CD200R1: variants seen among roughly 807,000 people sequenced by gnomAD.
CD200R1 encodes cell surface glycoprotein CD200 receptor 1.
In CD200R1, 30 loss-of-function variants were observed where a neutral mutation model predicts 38.1. The observed-to-expected ratio is 0.79, with a 90% CI of 0.59 to 1.07. The LOEUF is 1.07. Ranked by LOEUF, CD200R1 falls within the 50% of genes least tolerant of loss-of-function variation. The pLI, the probability that CD200R1 is intolerant of heterozygous loss-of-function variation, is 0.00. For missense variants in CD200R1, 372 were observed against 415.4 expected (o/e 0.90, Z 0.91); for synonymous variants, 128 against 152.1 (o/e 0.84, Z 1.16).
chr3:112,948,493 T>C (rs180743885), intron 1 of CD200R1, among the ~76,000 whole-genome samples: 2 of 152,312 alleles, frequency 1.3e-5, no homozygotes, highest in Admixed American at 1.3e-4. Context: ...CAGGCATTAG[T>C]TCAATTCTCA....
intron 2 of CD200R1, among the ~76,000 whole-genome samples, chr3:112,934,959 T>G (rs1604249): frequency 0.021 from 3,261 of 151,992 alleles, 40 homozygotes; most frequent in South Asian, 0.047. Flanking sequence ...TATACTTACA[T>G]TAGATAAAAC....
chr3:112,936,072 T>C (rs541357024), intron 2 of CD200R1, among the ~76,000 whole-genome samples: 2 of 152,312 alleles, frequency 1.3e-5, no homozygotes, highest in Admixed American at 1.3e-4. Context: ...GTTTCTGCAT[T>C]AGTTTGCTGA....
chr3:112,962,696 C>T (rs1217108337), intron 1 of CD200R1, among the ~76,000 whole-genome samples: 1 of 152,102 alleles, frequency 6.6e-6, no homozygotes, highest in Non-Finnish European at 1.5e-5. Context: ...AAAAAAATTA[C>T]ATGTATCAGC....
rs752601329 is a variant in CD200R1, at chr3:112,966,967, GC to G, written c.67+7823del. Among the ~76,000 whole-genome samples, 4 of 152,194 alleles carry G rather than the reference GC, an allele frequency of 2.6e-5. No individual in the cohort carries two copies. The East Asian group carries it at 7.7e-4, about 29-fold the overall frequency. ...AGGTCACCAGCCCTTTTATAGTCAA[GC>G]TTTTGGCCTCTTTTCAGTGCTGGTG... On this transcript the variant is annotated intron_variant, in intron 1 of 7. Coordinates refer to ENST00000308611, the MANE Select transcript of CD200R1 (RefSeq NM_138806.4).
intron 2 of CD200R1, 29 bp downstream of exon 2, chr3:112,947,827 T>C: frequency 6.7e-7 from 1 of 1,495,502 alleles, no homozygotes; most frequent in East Asian, 2.3e-5. Context: ...ACTCCCCTAC[T>C]AGAATTATTG....
chr3:112,922,582 C>T lies in CD200R1; in HGVS notation c.*1095G>A, dbSNP rs1940195528. The T allele has an allele frequency of 6.6e-6, 1 of 151,916 alleles. No homozygotes were observed. The highest frequency in any genetic ancestry group is 1.5e-5 in the Non-Finnish European group (1 of 67,898). 9.4% of individuals were successfully genotyped at this position (151,916 alleles called of 1,614,324 possible). ...ACACAATTCCAATGTAGCACATCTG[C>T]AAAACTGTTAGGCATCAAGTATCAA... On this transcript the variant is annotated 3_prime_UTR_variant, in exon 8 of 8. Coordinates refer to ENST00000308611, the MANE Select transcript of CD200R1 (RefSeq NM_138806.4).
At chr3:112,941,007 G>A (rs969766726) in intron 2 of CD200R1, among the ~76,000 whole-genome samples, 4 of 151,702 alleles carry the variant, frequency 2.6e-5, no homozygotes, top group African/African-American at 9.7e-5. Context: ...ACAGCAACAT[G>A]GATGGAACCG....
chr3:112,942,850 C>T (rs1940758513), intron 2 of CD200R1, among the ~76,000 whole-genome samples: 1 of 151,536 alleles, frequency 6.6e-6, no homozygotes, highest in South Asian at 2.1e-4. Flanking sequence ...ACAGCAATGA[C>T]TTCAGAGCAA....
intron 1 of CD200R1, among the ~76,000 whole-genome samples, chr3:112,959,184 T>TATAC (rs1168589263): frequency 6.6e-6 from 1 of 152,200 alleles, no homozygotes; most frequent in East Asian, 1.9e-4. Flanking sequence ...GAGCAAGTAT[T>TATAC]ATACCATACT....
At chr3:112,942,772 G>T (rs1278405993) in intron 2 of CD200R1, among the ~76,000 whole-genome samples, 2 of 151,416 alleles carry the variant, frequency 1.3e-5, no homozygotes, top group African/African-American at 4.8e-5. Flanking sequence ...TGAAAGAAAA[G>T]GGATGAATAA....
At chr3:112,951,219 G>A (rs1940963708) in intron 1 of CD200R1, among the ~76,000 whole-genome samples, 2 of 151,924 alleles carry the variant, frequency 1.3e-5, no homozygotes, top group Admixed American at 1.3e-4. Flanking sequence ...GGAAAAATGA[G>A]GGAATATTAT....
intron 1 of CD200R1, among the ~76,000 whole-genome samples, chr3:112,974,421 G>C (rs1449115946): frequency 6.6e-6 from 1 of 152,170 alleles, no homozygotes; most frequent in African/African-American, 2.4e-5. Flanking sequence ...GGGCAACAGA[G>C]CAAGACCCTG....
At chr3:112,971,353 C>T (rs772594190) in intron 1 of CD200R1, among the ~76,000 whole-genome samples, 2 of 152,098 alleles carry the variant, frequency 1.3e-5, no homozygotes, top group Non-Finnish European at 2.9e-5. Context: ...ATATTTTCAA[C>T]TGAAGTTGGT....
chr3:112,970,437 G>A (rs1576157476), intron 1 of CD200R1, among the ~76,000 whole-genome samples: 1 of 152,208 alleles, frequency 6.6e-6, no homozygotes, highest in South Asian at 2.1e-4. Context: ...TATTTAAAAA[G>A]TAATGATTGT....
intron 1 of CD200R1, among the ~76,000 whole-genome samples, chr3:112,961,454 GT>G (rs774812124): frequency 1.3e-5 from 2 of 151,686 alleles, no homozygotes; most frequent in African/African-American, 2.4e-5. Flanking sequence ...TGTTGTTTTT[GT>G]TTTTTTTAAT....
chr3:112,973,332 T>C (rs1028952086), intron 1 of CD200R1, among the ~76,000 whole-genome samples: 1 of 152,178 alleles, frequency 6.6e-6, no homozygotes, highest in Admixed American at 6.5e-5. Flanking sequence ...AACTAAGTAT[T>C]GGCTTGACTT....
At chr3:112,952,092 T>G (rs1483183849) in intron 1 of CD200R1, among the ~76,000 whole-genome samples, 1 of 150,978 alleles carries the variant, frequency 6.6e-6, no homozygotes, top group Non-Finnish European at 1.5e-5. Flanking sequence ...AGCTACACTC[T>G]GAAGCTACAG....
chr3:112,925,526 C>T (rs1464851649), intron 5 of CD200R1, among the ~76,000 whole-genome samples: 1 of 152,042 alleles, frequency 6.6e-6, no homozygotes, highest in Non-Finnish European at 1.5e-5. Flanking sequence ...GGATACATGT[C>T]ATTACACATT....
intron 1 of CD200R1, among the ~76,000 whole-genome samples, chr3:112,958,382 T>C (rs996734837): frequency 1.3e-5 from 2 of 152,120 alleles, no homozygotes; most frequent in African/African-American, 2.4e-5. Context: ...CACAAAAGAA[T>C]ACTACATACT....
Sources: gnomAD v4.1 joint callset for allele counts (sites outside exome capture counted in the v4.1 genomes callset) on GRCh38, gnomAD v4.1.1 for gene constraint, MANE v1.5 for transcripts, NCBI Gene and HGNC (gene_info 2026-07-23, HGNC 2026-07-21) for gene names.